Variants in LRP1B observed in about 807,000 individuals in gnomAD.
The protein encoded by LRP1B is LDL receptor related protein 1B, also known as low-density lipoprotein receptor-related protein 1B.
LRP1B carries 217 observed loss-of-function variants against 556.6 expected under a neutral mutation model. The ratio of observed to expected loss-of-function variants is 0.39; its 90% CI spans 0.35 to 0.44. The LOEUF is 0.44. Among genes scored for constraint, LRP1B ranks in the 20% least tolerant of loss-of-function variants. LRP1B has a pLI of 1.00. For synonymous variants in LRP1B, 2,047 were observed against 1,865.8 expected (o/e 1.10, Z -2.50); for missense variants, 5,053 against 5,620.8 (o/e 0.90, Z 3.23).
At chr2:142,095,872 C>A (rs569734668) in intron 1 of LRP1B, among the ~76,000 whole-genome samples, 2 of 151,534 alleles carry the variant, frequency 1.3e-5, no homozygotes, top group Non-Finnish European at 3.0e-5. Context: ...AAAATCCAAC[C>A]CCAAAAAACA....
chr2:140,872,181 C>A (rs945338060), intron 25 of LRP1B, among the ~76,000 whole-genome samples: 2 of 150,214 alleles, frequency 1.3e-5, no homozygotes, highest in African/African-American at 4.9e-5. Flanking sequence ...CTTTCACCCC[C>A]TGCTGCATGA....
rs1042241516 is a variant in LRP1B, at chr2:141,204,940, TA to T, written c.851-16358del. Among the ~76,000 whole-genome samples the T allele has an allele frequency of 6.2e-3, 920 of 148,970 alleles. 8 individuals carry two copies. The highest frequency in any genetic ancestry group is 0.011 in the Non-Finnish European group (720 of 67,112). On this transcript the variant is annotated intron_variant, in intron 6 of 90. Coordinates refer to ENST00000389484, the MANE Select transcript of LRP1B (RefSeq NM_018557.3). ...TGACAGAGCAAGACTCTGTCTCAGA[TA>T]AAAAAAAAGGAAAAAGAAAAAAAGA...
chr2:140,963,311 G>A (rs1473861075), intron 18 of LRP1B, among the ~76,000 whole-genome samples: 1 of 151,802 alleles, frequency 6.6e-6, no homozygotes, highest in East Asian at 1.9e-4. Context: ...TTGGAAGGAA[G>A]AAGAAAGAAG....
intron 29 of LRP1B, among the ~76,000 whole-genome samples, chr2:140,843,274 T>A (rs1692177815): frequency 6.6e-6 from 1 of 152,060 alleles, no homozygotes; most frequent in Non-Finnish European, 1.5e-5. Context: ...TTGTCAATTC[T>A]ATAGTTCATG....
At position 141,780,525 on chromosome 2, in the gene LRP1B, A is replaced by T. The variant is rs1222585848; in HGVS notation, c.205+29754T>A. The stretch of plus-strand genomic sequence containing the variant: ...TCCAGGAAAAAAATCAGCGATTTTT[A>T]GCATTTCTGAATCTTGATGGTGTAA... On this transcript the variant is annotated intron_variant, in intron 2 of 90. Coordinates refer to ENST00000389484, the MANE Select transcript of LRP1B (RefSeq NM_018557.3). Among the ~76,000 whole-genome samples, 9 of 152,172 alleles carry T rather than the reference A, an allele frequency of 5.9e-5. No homozygotes were observed. The East Asian group carries it at 1.7e-3, about 29-fold the overall frequency.
intron 29 of LRP1B, among the ~76,000 whole-genome samples, chr2:140,842,453 T>C (rs1692139326): frequency 6.6e-6 from 1 of 152,332 alleles, no homozygotes; most frequent in South Asian, 2.1e-4. Flanking sequence ...TACTCGTGGT[T>C]CCAGTTCTCT....
intron 35 of LRP1B, among the ~76,000 whole-genome samples, chr2:140,736,246 T>C (rs1005864313): frequency 3.3e-5 from 5 of 152,146 alleles, no homozygotes; most frequent in African/African-American, 1.2e-4. Context: ...TGCCATTCAC[T>C]AGGGCTGATA....
At chr2:140,721,841 G>A (rs1300477238) in intron 35 of LRP1B, among the ~76,000 whole-genome samples, 2 of 151,306 alleles carry the variant, frequency 1.3e-5, no homozygotes, top group African/African-American at 4.9e-5. Context: ...ACTTCCCTCT[G>A]AGGCAAATTG....
rs1218180479 is a variant in LRP1B, at chr2:141,942,444, C to G, written c.83-132043G>C. Among the ~76,000 whole-genome samples, 6 of 152,122 alleles carry G rather than the reference C, an allele frequency of 3.9e-5. No homozygotes were observed. The South Asian group carries it at 8.3e-4, about 21-fold the overall frequency. On this transcript the variant is annotated intron_variant, in intron 1 of 90. Coordinates refer to ENST00000389484, the MANE Select transcript of LRP1B (RefSeq NM_018557.3). ...ACTTCCTTTCCAGTGCTTTCAATTTCCCTGAAACACAGTGCTGTTCTGACA... is the reference window on the plus strand; with the variant it reads ...ACTTCCTTTCCAGTGCTTTCAATTTGCCTGAAACACAGTGCTGTTCTGACA...
intron 1 of LRP1B, among the ~76,000 whole-genome samples, chr2:141,823,794 G>A (rs912671673): frequency 6.6e-6 from 1 of 152,088 alleles, no homozygotes; most frequent in Non-Finnish European, 1.5e-5. Context: ...TCAGCCTCTG[G>A]AGCAGCTAGG....
chr2:140,585,366 C>A (rs917430615), intron 43 of LRP1B, among the ~76,000 whole-genome samples: 2 of 152,208 alleles, frequency 1.3e-5, no homozygotes, highest in East Asian at 1.9e-4. Context: ...GTTTCAAATT[C>A]ATGTCTAAAC....
At chr2:140,738,884 C>A (rs891500163) in intron 35 of LRP1B, among the ~76,000 whole-genome samples, 1 of 152,146 alleles carries the variant, frequency 6.6e-6, no homozygotes, top group South Asian at 2.1e-4. Flanking sequence ...AATAATTGTG[C>A]TTTATTTAGT....
intron 18 of LRP1B, among the ~76,000 whole-genome samples, chr2:140,977,679 G>T (rs1696645893): frequency 1.3e-5 from 2 of 152,004 alleles, no homozygotes; most frequent in Admixed American, 1.3e-4. Flanking sequence ...AAATTCTTGG[G>T]CCCCACCTGA....
At chr2:141,075,980 G>T (rs1389912706) in intron 7 of LRP1B, among the ~76,000 whole-genome samples, 2 of 152,168 alleles carry the variant, frequency 1.3e-5, no homozygotes, top group Admixed American at 6.5e-5. Flanking sequence ...AAAATCATAG[G>T]ATTATACAGA....
At chr2:141,774,329 A>G (rs1694989964) in intron 2 of LRP1B, among the ~76,000 whole-genome samples, 1 of 152,156 alleles carries the variant, frequency 6.6e-6, no homozygotes, top group Non-Finnish European at 1.5e-5. Flanking sequence ...GGCCCTCCAG[A>G]AACTTAGAAT....
intron 4 of LRP1B, among the ~76,000 whole-genome samples, chr2:141,250,017 G>A (rs2105332410): frequency 6.6e-6 from 1 of 152,152 alleles, no homozygotes; most frequent in Non-Finnish European, 1.5e-5. Flanking sequence ...GAAAGGGGGT[G>A]AGAAAAAAAG....
chr2:141,047,044 T>TCCAGCCTGGGCGACAGA (rs1346210344), intron 11 of LRP1B, among the ~76,000 whole-genome samples: 10 of 9,342 alleles, frequency 1.1e-3, no homozygotes, highest in Non-Finnish European at 3.1e-3. Flanking sequence ...ATTGCAGCAC[T>TCCAGCCTGGGCGACAGA]GCACAAAAAT....
At chr2:141,185,831 T>C (rs1442075521) in intron 7 of LRP1B, among the ~76,000 whole-genome samples, 11 of 151,552 alleles carry the variant, frequency 7.3e-5, no homozygotes, top group Non-Finnish European at 1.5e-5. Context: ...GTAATCCCAG[T>C]ACTTTGGGAG....
chr2:140,453,527 T>C (rs1238445492), intron 62 of LRP1B, among the ~76,000 whole-genome samples: 1 of 152,034 alleles, frequency 6.6e-6, no homozygotes, highest in Non-Finnish European at 1.5e-5. Context: ...AAGTAAAAGC[T>C]ATAAAGAACC....
Sources: gnomAD v4.1 joint callset for allele counts (sites outside exome capture counted in the v4.1 genomes callset) on GRCh38, gnomAD v4.1.1 for gene constraint, MANE v1.5 for transcripts, NCBI Gene and HGNC (gene_info 2026-07-23, HGNC 2026-07-21) for gene names.